The following SLC35F3 variants were observed in gnomAD, a reference collection of about 807,000 sequenced individuals.
SLC35F3 encodes the protein putative thiamine transporter SLC35F3.
SLC35F3 carries 25 observed loss-of-function variants against 49.9 expected under a neutral mutation model. The observed-to-expected ratio is 0.50, with a 90% CI of 0.37 to 0.70. The LOEUF is 0.70. SLC35F3 is among the 30% of genes least tolerant of loss of function. The pLI, the probability that SLC35F3 is intolerant of heterozygous loss-of-function variation, is 0.00. For missense variants in SLC35F3, 525 were observed against 639.8 expected (o/e 0.82, Z 1.94); for synonymous variants, 275 against 265.4 (o/e 1.04, Z -0.35).
At position 233,905,141 on chromosome 1, in the gene SLC35F3, C is replaced by T. The variant is rs1266230974; in HGVS notation, c.53+11C>T. 2.6e-6 allele frequency: 4 copies of T among 1,553,128 alleles called. No homozygotes were observed. Among genetic ancestry groups the T allele is most frequent in the Non-Finnish European group, 3.5e-6 (4 of 1,147,608 alleles). Reference sequence around the variant, plus strand: ...CAAGAGCATTGCCGTGTGAGTAGCGCCCCGGGCGTGGGTGAGCGAGCCGGC... The same window carrying T: ...CAAGAGCATTGCCGTGTGAGTAGCGTCCCGGGCGTGGGTGAGCGAGCCGGC... On this transcript the variant is annotated intron_variant, in intron 1 of 7. Transcript: ENST00000366618.
chr1:234,071,619 T>C (rs560293915), intron 2 of SLC35F3, among the ~76,000 whole-genome samples: 1 of 152,348 alleles, frequency 6.6e-6, no homozygotes, highest in African/African-American at 2.4e-5. Flanking sequence ...ATAACATTTT[T>C]AGGAATATTT....
At chr1:234,008,107 A>G (rs1663658915) in intron 2 of SLC35F3, among the ~76,000 whole-genome samples, 1 of 152,202 alleles carries the variant, frequency 6.6e-6, no homozygotes, top group Non-Finnish European at 1.5e-5. Flanking sequence ...ACTGGAACAT[A>G]TTCAGCATGT....
At chr1:234,087,689 A>G (rs867144766) in intron 2 of SLC35F3, among the ~76,000 whole-genome samples, 1 of 152,128 alleles carries the variant, frequency 6.6e-6, no homozygotes, top group East Asian at 1.9e-4. Context: ...AAACCCTCCA[A>G]TGGCTTCTCA....
At chr1:233,910,014 C>T (rs1345892573) in intron 2 of SLC35F3, among the ~76,000 whole-genome samples, 1 of 152,210 alleles carries the variant, frequency 6.6e-6, no homozygotes, top group Non-Finnish European at 1.5e-5. Context: ...GTGCAAGTGT[C>T]TTCTGAAGAT....
chr1:233,928,025 G>A (rs912663143), intron 2 of SLC35F3, among the ~76,000 whole-genome samples: 2 of 151,978 alleles, frequency 1.3e-5, no homozygotes, highest in African/African-American at 4.8e-5. Flanking sequence ...TTTTTCAGAA[G>A]TCTTTTATGG....
At chr1:233,975,723 C>G (rs763229122) in intron 2 of SLC35F3, among the ~76,000 whole-genome samples, 4 of 152,170 alleles carry the variant, frequency 2.6e-5, no homozygotes, top group Non-Finnish European at 4.4e-5. Flanking sequence ...GGGCGACATG[C>G]GTCGGCCAGC....
intron 2 of SLC35F3, among the ~76,000 whole-genome samples, chr1:234,166,093 C>G (rs1344175951): frequency 2.6e-5 from 4 of 152,170 alleles, no homozygotes; most frequent in Admixed American, 2.6e-4. Flanking sequence ...TCTTTATCCA[C>G]TCATCAGTTG....
intron 3 of SLC35F3, among the ~76,000 whole-genome samples, chr1:234,282,035 T>C (rs1335794272): frequency 1.3e-5 from 2 of 152,176 alleles, no homozygotes; most frequent in Non-Finnish European, 2.9e-5. Context: ...AGTGGGATCC[T>C]GTCTCACAGC....
intron 2 of SLC35F3, among the ~76,000 whole-genome samples, chr1:234,150,587 A>C (rs1414156660): frequency 6.6e-6 from 1 of 152,168 alleles, no homozygotes; most frequent in East Asian, 1.9e-4. Flanking sequence ...GCTCATCAAA[A>C]TAGATCCCAT....
chr1:234,150,315 T>A (rs1461276614), intron 2 of SLC35F3, among the ~76,000 whole-genome samples: 1 of 151,338 alleles, frequency 6.6e-6, no homozygotes, highest in Non-Finnish European at 1.5e-5. Flanking sequence ...TGACCCAAAT[T>A]GTGAGGAAGA....
At chr1:234,216,736 C>T (rs774804778) in intron 2 of SLC35F3, among the ~76,000 whole-genome samples, 5 of 152,174 alleles carry the variant, frequency 3.3e-5, no homozygotes, top group Non-Finnish European at 5.9e-5. Context: ...GTGTAAATCA[C>T]GAACACAGCC....
chr1:234,252,386 A>T (rs890807833), intron 3 of SLC35F3, among the ~76,000 whole-genome samples: 8 of 152,164 alleles, frequency 5.3e-5, no homozygotes, highest in Non-Finnish European at 1.0e-4. Context: ...TATATTTTTT[A>T]AAAATGCTTA....
chr1:234,098,235 G>A (rs910445378), intron 2 of SLC35F3, among the ~76,000 whole-genome samples: 2 of 151,272 alleles, frequency 1.3e-5, no homozygotes, highest in South Asian at 2.1e-4. Context: ...GTGTCATAGG[G>A]TGATGATGGA....
At chr1:234,025,464 C>G (rs1042479902) in intron 2 of SLC35F3, among the ~76,000 whole-genome samples, 1 of 152,208 alleles carries the variant, frequency 6.6e-6, no homozygotes, top group Non-Finnish European at 1.5e-5. Flanking sequence ...CTTTTCTTGG[C>G]AAGCTCACCA....
intron 2 of SLC35F3, among the ~76,000 whole-genome samples, chr1:234,064,063 C>T (rs1223989065): frequency 6.6e-6 from 1 of 152,172 alleles, no homozygotes; most frequent in African/African-American, 2.4e-5. Flanking sequence ...TGTGGAGCCC[C>T]TCCTGGTGTC....
chr1:234,254,131 C>A (rs1487623479), intron 3 of SLC35F3, among the ~76,000 whole-genome samples: 2 of 152,202 alleles, frequency 1.3e-5, no homozygotes, highest in African/African-American at 4.8e-5. Context: ...CTTGGTTTTC[C>A]TTTGGCTTAA....
intron 2 of SLC35F3, among the ~76,000 whole-genome samples, chr1:234,228,454 T>C (rs2102949048): frequency 6.6e-6 from 1 of 152,340 alleles, no homozygotes; most frequent in South Asian, 2.1e-4. Flanking sequence ...GACTGTCCAT[T>C]CCTGAAAGAT....
intron 2 of SLC35F3, among the ~76,000 whole-genome samples, chr1:234,062,872 G>A (rs530979528): frequency 4.4e-5 from 6 of 137,488 alleles, no homozygotes; most frequent in African/African-American, 1.1e-4. Context: ...TGTATTTTTA[G>A]TAGAGACGTG....
rs183151717 is a variant in SLC35F3, at chr1:234,054,245, T to C, written c.283+148487T>C. 4.5e-4 allele frequency among the ~76,000 whole-genome samples: 68 copies of C among 152,362 alleles called. No homozygotes were observed. In the East Asian group the frequency reaches 6.2e-3, roughly 14 times the overall value. ...ATATCCTGCAAAGTGTTTTCCAACTTGGTTCCATTCTCCCTGTCACTTTCA... is the reference window on the plus strand; with the variant it reads ...ATATCCTGCAAAGTGTTTTCCAACTCGGTTCCATTCTCCCTGTCACTTTCA... On this transcript the variant is annotated intron_variant, in intron 2 of 7. Transcript: ENST00000366618.
Sources: gnomAD v4.1 joint callset for allele counts (sites outside exome capture counted in the v4.1 genomes callset) on GRCh38, gnomAD v4.1.1 for gene constraint, MANE v1.5 for transcripts, NCBI Gene and HGNC (gene_info 2026-07-23, HGNC 2026-07-21) for gene names.